The following SLCO1B3 variants were observed in gnomAD, a reference collection of about 807,000 sequenced individuals.
SLCO1B3 encodes solute carrier organic anion transporter family member 1B3, also known as liver-specific organic anion transporter 2.
SLCO1B3 carries 72 observed loss-of-function variants against 71.8 expected under a neutral mutation model. The observed-to-expected ratio is 1.00, with a 90% CI of 0.83 to 1.22. The LOEUF is 1.22. SLCO1B3 is among the 50% of genes most tolerant of loss of function. SLCO1B3 has a pLI of 0.00. For synonymous variants in SLCO1B3, 298 were observed against 278.4 expected (o/e 1.07, Z -0.70); for missense variants, 911 against 819.7 (o/e 1.11, Z -1.36).
At chr12:20,907,479 C>T (rs1866273310) in intron 15 of SLCO1B3, among the ~76,000 whole-genome samples, 1 of 135,794 alleles carries the variant, frequency 7.4e-6, no homozygotes, top group Non-Finnish European at 1.6e-5. Context: ...CTTCCCCTTC[C>T]CCTTCCTCTT....
intron 13 of SLCO1B3, among the ~76,000 whole-genome samples, chr12:20,890,506 T>A (rs1865883156): frequency 3.9e-5 from 6 of 152,234 alleles, no homozygotes. Context: ...AAATGTTCTG[T>A]AAAATGTTCT....
chr12:20,833,784 CTCTA>C (rs923247246), intron 3 of SLCO1B3, among the ~76,000 whole-genome samples: 8 of 147,020 alleles, frequency 5.4e-5, no homozygotes, highest in African/African-American at 2.0e-4. Flanking sequence ...TCATCTATCT[CTCTA>C]TTTCATAAAG....
intron 8 of SLCO1B3, among the ~76,000 whole-genome samples, chr12:20,868,288 T>G (rs1865410597): frequency 6.6e-6 from 1 of 151,918 alleles, no homozygotes. Context: ...TCAAGTTAAG[T>G]TTTTGGGGAA....
chr12:20,864,381 C>T (rs1281714117), intron 8 of SLCO1B3, among the ~76,000 whole-genome samples: 3 of 152,082 alleles, frequency 2.0e-5, no homozygotes, highest in Non-Finnish European at 4.4e-5. Context: ...TGTGAATAAA[C>T]AAATATGATT....
chr12:20,823,750 A>G (rs1006842715), intron 3 of SLCO1B3, among the ~76,000 whole-genome samples: 5 of 152,150 alleles, frequency 3.3e-5, no homozygotes, highest in African/African-American at 1.2e-4. Context: ...ACATATGTGA[A>G]TTGGGTGAAT....
At chr12:20,901,161 A>G (rs573320696) in intron 14 of SLCO1B3, among the ~76,000 whole-genome samples, 189 bp from the exon 15 acceptor site, 1 of 152,328 alleles carries the variant, frequency 6.6e-6, no homozygotes, top group East Asian at 1.9e-4. Flanking sequence ...CATCTGTGAC[A>G]TTACCATATG....
At chr12:20,892,055 T>C (rs900544363) in intron 13 of SLCO1B3, among the ~76,000 whole-genome samples, 18 of 152,138 alleles carry the variant, frequency 1.2e-4, no homozygotes, top group African/African-American at 4.3e-4. Flanking sequence ...TTTATCAGCA[T>C]ATCAAAGATT....
intron 13 of SLCO1B3, among the ~76,000 whole-genome samples, chr12:20,894,403 A>T (rs1381862292): frequency 6.6e-6 from 1 of 152,102 alleles, no homozygotes; most frequent in African/African-American, 2.4e-5. Flanking sequence ...TTGTTATTGT[A>T]TATGAATATT....
chr12:20,826,829 G>T (rs1864433927), intron 3 of SLCO1B3, among the ~76,000 whole-genome samples: 3 of 151,536 alleles, frequency 2.0e-5, no homozygotes, highest in African/African-American at 7.3e-5. Context: ...ATAAACTTTA[G>T]CCTTTGTATT....
intron 13 of SLCO1B3, among the ~76,000 whole-genome samples, chr12:20,894,939 A>C (rs770078197): frequency 1.1e-4 from 17 of 152,210 alleles, no homozygotes; most frequent in Non-Finnish European, 2.4e-4. Flanking sequence ...TCACAATCAT[A>C]GTGGAAGGCA....
intron 12 of SLCO1B3, among the ~76,000 whole-genome samples, chr12:20,881,231 C>T (rs1385490789): frequency 1.3e-5 from 2 of 152,088 alleles, no homozygotes; most frequent in South Asian, 2.1e-4. Context: ...TTCTCTGTTA[C>T]TTGAATTCTA....
chr12:20,814,069 C>A (rs981059768), intron 2 of SLCO1B3, among the ~76,000 whole-genome samples: 3 of 152,064 alleles, frequency 2.0e-5, no homozygotes, highest in Non-Finnish European at 4.4e-5. Context: ...CATGTATCCA[C>A]ATATATATGC....
At chr12:20,901,291 C>T (rs559016764) in intron 14 of SLCO1B3, 59 bp from the exon 15 acceptor site, 30 of 1,041,140 alleles carry the variant, frequency 2.9e-5, no homozygotes, top group Admixed American at 1.7e-4. Flanking sequence ...TATCGACTAT[C>T]GCTCAGTTAC....
At chr12:20,885,508 C>T (rs1169971783) in intron 13 of SLCO1B3, among the ~76,000 whole-genome samples, 2 of 101,638 alleles carry the variant, frequency 2.0e-5, no homozygotes, top group Non-Finnish European at 5.3e-5. Flanking sequence ...ATGTGAAGCA[C>T]TAGAAAGAAA....
intron 3 of SLCO1B3, among the ~76,000 whole-genome samples, chr12:20,819,855 T>G (rs1864260187): frequency 6.6e-6 from 1 of 151,648 alleles, no homozygotes; most frequent in Admixed American, 6.6e-5. Flanking sequence ...TACTTGTGGG[T>G]TAAGGTGGGG....
At chr12:20,904,090 A>C (rs949492507) in intron 15 of SLCO1B3, among the ~76,000 whole-genome samples, 1 of 151,976 alleles carries the variant, frequency 6.6e-6, no homozygotes, top group Non-Finnish European at 1.5e-5. Context: ...ATACCAAAAA[A>C]TTAGCCAGGC....
chr12:20,869,282 G>A (rs943064932), intron 8 of SLCO1B3, among the ~76,000 whole-genome samples: 3 of 152,188 alleles, frequency 2.0e-5, no homozygotes, highest in Non-Finnish European at 4.4e-5. Flanking sequence ...CCCTTCTGGT[G>A]GCCCTGTGTG....
intron 3 of SLCO1B3, among the ~76,000 whole-genome samples, chr12:20,850,695 C>T (rs1387436475): frequency 3.3e-5 from 5 of 152,112 alleles, no homozygotes; most frequent in Non-Finnish European, 2.9e-5. Context: ...GTCTATTGTT[C>T]CCTTCTTTGT....
At chr12:20,887,893 A>T in intron 13 of SLCO1B3, among the ~76,000 whole-genome samples, 1 of 151,750 alleles carries the variant, frequency 6.6e-6, no homozygotes, top group East Asian at 1.9e-4. Context: ...TTTTCAGTTA[A>T]TTTTTATATA....
Sources: allele counts gnomAD v4.1 joint callset (sites outside exome capture counted in the v4.1 genomes callset), GRCh38; gene constraint gnomAD v4.1.1; transcripts MANE v1.5; gene names NCBI Gene and HGNC (gene_info 2026-07-23, HGNC 2026-07-21).